Variants in SIL1 observed in about 807,000 individuals in gnomAD.
SIL1 encodes the protein nucleotide exchange factor SIL1.
In SIL1, 40 loss-of-function variants were observed where a neutral mutation model predicts 49.1. The ratio of observed to expected loss-of-function variants is 0.81; its 90% CI spans 0.63 to 1.06. The LOEUF (loss-of-function observed/expected upper bound fraction) is 1.06. Among genes scored for constraint, SIL1 ranks in the 50% least tolerant of loss-of-function variants. The pLI is 0.00. For missense variants in SIL1, 500 were observed against 572.6 expected (o/e 0.87, Z 1.29); for synonymous variants, 253 against 250.8 (o/e 1.01, Z -0.08).
intron 7 of SIL1, among the ~76,000 whole-genome samples, chr5:138,989,135 T>C (rs1767703304): frequency 2.0e-5 from 3 of 152,340 alleles, no homozygotes; most frequent in South Asian, 2.1e-4. Flanking sequence ...CATGTGACTG[T>C]ATTACCAAAT....
intron 1 of SIL1, among the ~76,000 whole-genome samples, chr5:139,148,109 CA>C (rs1751227452): frequency 7.0e-6 from 1 of 142,668 alleles, no homozygotes; most frequent in Admixed American, 6.8e-5. Context: ...TTTTAAAGTG[CA>C]TTAAAAAAAA....
intron 1 of SIL1, chr5:139,188,049 C>A: frequency 6.5e-6 from 1 of 152,836 alleles, no homozygotes; most frequent in South Asian, 1.9e-4. Flanking sequence ...AAGCAGAAGT[C>A]TGTACAGCCT....
At chr5:139,179,208 G>A (rs1203668269) in intron 1 of SIL1, among the ~76,000 whole-genome samples, 1 of 152,108 alleles carries the variant, frequency 6.6e-6, no homozygotes, top group African/African-American at 2.4e-5. Flanking sequence ...TAAAGACACT[G>A]AACCAAACAA....
intron 1 of SIL1, among the ~76,000 whole-genome samples, chr5:139,163,124 G>A (rs1229420598): frequency 6.6e-6 from 1 of 151,910 alleles, no homozygotes; most frequent in Non-Finnish European, 1.5e-5. Context: ...AGCTGCCAAG[G>A]AAGGCAGGCA....
chr5:139,151,507 C>T (rs1751300511), intron 1 of SIL1, among the ~76,000 whole-genome samples: 3 of 152,338 alleles, frequency 2.0e-5, no homozygotes, highest in African/African-American at 7.2e-5. Flanking sequence ...AAAAACTTCA[C>T]ATTTTATTGT....
At chr5:139,073,492 A>G (rs551979278) in intron 3 of SIL1, among the ~76,000 whole-genome samples, 1 of 152,276 alleles carries the variant, frequency 6.6e-6, no homozygotes, top group East Asian at 1.9e-4. Context: ...AGTTGATCTC[A>G]TAGAAGCAGA....
chr5:139,067,968 T>C (rs1240841777), intron 3 of SIL1, among the ~76,000 whole-genome samples: 1 of 152,224 alleles, frequency 6.6e-6, no homozygotes, highest in African/African-American at 2.4e-5. Flanking sequence ...AGGGGATTTG[T>C]TACACAATAC....
chr5:139,157,121 A>G (rs1561883792), intron 1 of SIL1, among the ~76,000 whole-genome samples: 1 of 152,188 alleles, frequency 6.6e-6, no homozygotes, highest in African/African-American at 2.4e-5. Flanking sequence ...TCCCACCAAC[A>G]TCACTGCAAA....
chr5:139,124,264 T>C (rs1561871590), intron 2 of SIL1, among the ~76,000 whole-genome samples: 1 of 152,142 alleles, frequency 6.6e-6, no homozygotes, highest in Non-Finnish European at 1.5e-5. Context: ...ACAAGATTAA[T>C]AGAGTGGATT....
At chr5:139,066,465 T>G (rs1289174630) in intron 3 of SIL1, among the ~76,000 whole-genome samples, 2 of 151,918 alleles carry the variant, frequency 1.3e-5, no homozygotes, top group African/African-American at 4.8e-5. Flanking sequence ...CAAGTGACAG[T>G]CCATTTTTTA....
At chr5:139,051,192 C>T in intron 3 of SIL1, 146 bp from the exon 4 acceptor site, 1 of 715,690 alleles carries the variant, frequency 1.4e-6, no homozygotes, top group Non-Finnish European at 2.5e-6. Flanking sequence ...CATCCCTCTC[C>T]CTTGAACACA....
At chr5:138,958,104 C>T (rs368937712) in intron 7 of SIL1, among the ~76,000 whole-genome samples, 3 of 152,138 alleles carry the variant, frequency 2.0e-5, no homozygotes, top group Non-Finnish European at 4.4e-5. Flanking sequence ...ACCCCACGTC[C>T]GATTTATGCC....
At chr5:139,178,111 G>A (rs1364581523) in intron 1 of SIL1, among the ~76,000 whole-genome samples, 5 of 152,178 alleles carry the variant, frequency 3.3e-5, no homozygotes, top group Non-Finnish European at 1.5e-5. Flanking sequence ...ATGGAAAGAT[G>A]CCAAGTGCTG....
At chr5:139,182,694 G>C (rs566398238) in intron 1 of SIL1, among the ~76,000 whole-genome samples, 1 of 152,324 alleles carries the variant, frequency 6.6e-6, no homozygotes, top group East Asian at 1.9e-4. Flanking sequence ...AAGGGGAAGA[G>C]GGAAGAGTGA....
chr5:139,138,520 T>C (rs1751021043), intron 1 of SIL1, among the ~76,000 whole-genome samples: 3 of 152,196 alleles, frequency 2.0e-5, no homozygotes, highest in African/African-American at 7.2e-5. Context: ...TCCATTCCCT[T>C]CCAACCCACT....
chr5:139,099,500 C>G (rs1437518010), intron 3 of SIL1, among the ~76,000 whole-genome samples: 1 of 152,060 alleles, frequency 6.6e-6, no homozygotes, highest in African/African-American at 2.4e-5. Flanking sequence ...GCACTGTTCA[C>G]AATAGCCAAC....
At position 139,155,751 on chromosome 5, in the gene SIL1, C is replaced by T. The variant is rs113690403; in HGVS notation, c.-10-27898G>A. Among the ~76,000 whole-genome samples, 695 of 152,250 alleles carry T rather than the reference C, an allele frequency of 4.6e-3. 1 individual carries two copies. Among genetic ancestry groups the T allele is most frequent in the African/African-American group, 0.016 (661 of 41,540 alleles). On this transcript the variant is annotated intron_variant, in intron 1 of 9. Transcript: ENST00000394817. ...GGTAAGAGGGTGGCCTTGGGGATAT[C>T]TGCAGACCATAGCAGGTGACAGCCA...
At chr5:139,129,171 G>C (rs188205744) in intron 1 of SIL1, among the ~76,000 whole-genome samples, 1 of 152,064 alleles carries the variant, frequency 6.6e-6, no homozygotes, top group Non-Finnish European at 1.5e-5. Flanking sequence ...GAAAGTTAGA[G>C]GACTCACTCT....
At chr5:139,038,362 A>T (rs1768963922) in intron 5 of SIL1, among the ~76,000 whole-genome samples, 1 of 152,132 alleles carries the variant, frequency 6.6e-6, no homozygotes, top group East Asian at 1.9e-4. Context: ...TAGGCTTAGT[A>T]TACTGGTTCT....
Sources: allele counts gnomAD v4.1 joint callset (sites outside exome capture counted in the v4.1 genomes callset), GRCh38; gene constraint gnomAD v4.1.1; transcripts MANE v1.5; gene names NCBI Gene and HGNC (gene_info 2026-07-23, HGNC 2026-07-21).